Variants in RHEBL1 observed in about 807,000 individuals in gnomAD.
RHEBL1 encodes the protein RHEB like 1.
RHEBL1 carries 22 observed loss-of-function variants against 27.4 expected under a neutral mutation model. The observed-to-expected ratio is 0.80, with a 90% CI of 0.57 to 1.15. RHEBL1 has a LOEUF of 1.15. Among genes scored for constraint, RHEBL1 ranks in the 50% most tolerant of loss-of-function variants. RHEBL1 has a pLI of 0.00. For synonymous variants in RHEBL1, 85 were observed against 80.8 expected, an observed-to-expected ratio of 1.05 and a Z score of -0.28; for missense variants, 186 against 226.5, an observed-to-expected ratio of 0.82 and a Z score of 1.15.
In RHEBL1 at chr12:49,069,971, A is replaced by G. The variant is rs1052012723; in HGVS notation, c.-186T>C. ...GCTGCCCACGTGATCACAACACAGC[A>G]CGTCTAACGCCAGGGAGCCGGGCGC... On this transcript the variant is annotated 5_prime_UTR_variant, in exon 1 of 8. Coordinates refer to ENST00000301068, the MANE Select transcript of RHEBL1 (RefSeq NM_144593.3). The G allele has an allele frequency of 1.7e-5, 10 of 605,856 alleles. No homozygotes were observed. The highest frequency in any genetic ancestry group is 1.2e-4 in the Admixed American group (4 of 34,774). The allele number at this position is 605,856 out of a possible 1,614,324, so 37.5% of individuals were successfully genotyped here. A position where few individuals can be genotyped will look rare whatever the true frequency, so the allele number is the denominator to read the frequency against.
chr12:49,065,052 C>T lies in RHEBL1; in HGVS notation c.*51G>A. 7.3e-7 allele frequency: 1 copy of T among 1,365,272 alleles called. No homozygotes were observed. Among genetic ancestry groups the T allele is most frequent in the Non-Finnish European group, 1.0e-6 (1 of 953,576 alleles). 84.6% of individuals were successfully genotyped at this position (1,365,272 alleles called of 1,614,324 possible). On this transcript the variant is annotated 3_prime_UTR_variant, in exon 8 of 8. Coordinates refer to ENST00000301068, the MANE Select transcript of RHEBL1 (RefSeq NM_144593.3). ...CCTGAGGATCTGCCCCCCACTGGAA[C>T]ATGGCAAGTGCCGGGGGCAGAAGCA...
chr12:49,064,935 C>G lies in RHEBL1; in HGVS notation c.*168G>C. The G allele has an allele frequency of 1.6e-6, 1 of 610,938 alleles. No homozygotes were observed. Among genetic ancestry groups the G allele is most frequent in the Non-Finnish European group, 2.9e-6 (1 of 339,454 alleles). The allele number at this position is 610,938 out of a possible 1,614,324, so 37.8% of individuals were successfully genotyped here. A position where few individuals can be genotyped will look rare whatever the true frequency, so the allele number is the denominator to read the frequency against. On this transcript the variant is annotated 3_prime_UTR_variant, in exon 8 of 8. Coordinates refer to ENST00000301068, the MANE Select transcript of RHEBL1 (RefSeq NM_144593.3). ...CCCTTTGTAAACATTGACATCCAGG[C>G]CACTGGAGCCTGGGGAAAGTGTGCA... is the stretch of plus-strand genomic sequence containing the variant.
chr12:49,069,436 C>T (rs1288686518), intron 1 of RHEBL1, among the ~76,000 whole-genome samples: 2 of 151,676 alleles, frequency 1.3e-5, no homozygotes, highest in Admixed American at 6.6e-5. Flanking sequence ...CCACGGAGAC[C>T]GCGTCCCGGT....
At chr12:49,069,006 CCAGCA>C (rs1389803003) in intron 2 of RHEBL1, 24 bp downstream of exon 2, 1 of 1,600,642 alleles carries the variant, frequency 6.2e-7, no homozygotes, top group East Asian at 2.3e-5. Context: ...TCGCATACCA[CCAGCA>C]CACTAGGGGA....
chr12:49,067,048 G>GAA lies in RHEBL1; in HGVS notation c.125-15_125-14dup. 1 of 1,590,888 alleles carries GAA rather than the reference G, an allele frequency of 6.3e-7. No individual in the cohort carries two copies. The highest frequency in any genetic ancestry group is 8.6e-7 in the Non-Finnish European group (1 of 1,164,678). The stretch of plus-strand genomic sequence containing the variant: ...ATCTTGCTGTAAGCTGAAAAGAAAA[G>GAA]AAAACTTGACTGTGAAGTGCCTTAT... On this transcript the variant is annotated splice_polypyrimidine_tract_variant and intron_variant, in intron 2 of 7. Coordinates refer to ENST00000301068, the MANE Select transcript of RHEBL1 (RefSeq NM_144593.3).
intron 1 of RHEBL1, 74 bp downstream of exon 1, chr12:49,069,660 G>T: frequency 7.6e-7 from 1 of 1,320,240 alleles, no homozygotes; most frequent in Non-Finnish European, 1.1e-6. Context: ...TCCCTGGGTC[G>T]CGTTCCCACG....
At chr12:49,069,607 C>T in intron 1 of RHEBL1, 127 bp downstream of exon 1, 1 of 844,624 alleles carries the variant, frequency 1.2e-6, no homozygotes, top group Non-Finnish European at 2.0e-6. Flanking sequence ...TCCACTCTTC[C>T]AATCCTCGCT....
chr12:49,066,739 A>G, intron 3 of RHEBL1, 38 bp from the exon 4 acceptor site: 1 of 1,580,074 alleles, frequency 6.3e-7, no homozygotes, highest in Non-Finnish European at 8.7e-7. Context: ...CTAGATCCAA[A>G]CCACTAAGAT....
In RHEBL1 at chr12:49,067,149, C is replaced by T. The variant is rs923080505; in HGVS notation, c.125-114G>A. 82 of 686,730 alleles carry T rather than the reference C, an allele frequency of 1.2e-4. No individual in the cohort carries two copies. The African/African-American group carries it at 1.3e-3, about 11-fold the overall frequency. The allele number at this position is 686,730 out of a possible 1,614,324, so 42.5% of individuals were successfully genotyped here. On this transcript the variant is annotated intron_variant, in intron 2 of 7. Coordinates refer to ENST00000301068, the MANE Select transcript of RHEBL1 (RefSeq NM_144593.3). ...CAAGAGTCTCACTCTATTGTCCAGG[C>T]TGGGCTGCAGTGGCATGATCTCAGC... is the stretch of plus-strand genomic sequence containing the variant.
Position 49,066,462 on chromosome 12 carries a change from C to T in RHEBL1, c.332+14G>A. 2 of 1,613,416 alleles carry T rather than the reference C, an allele frequency of 1.2e-6. No individual in the cohort carries two copies. Among genetic ancestry groups the T allele is most frequent in the Non-Finnish European group, 1.7e-6 (2 of 1,179,328 alleles). ...CATGCCCACACTATGTCCCTATCCC[C>T]CAGGGCCACTTACCGGGTTTTCCCA... On this transcript the variant is annotated intron_variant, in intron 5 of 7. Coordinates refer to ENST00000301068, the MANE Select transcript of RHEBL1 (RefSeq NM_144593.3).
At chr12:49,065,801 T>C (rs1938987290) in intron 6 of RHEBL1, among the ~76,000 whole-genome samples, 2 of 152,050 alleles carry the variant, frequency 1.3e-5, no homozygotes, top group South Asian at 4.1e-4. Flanking sequence ...GGCACGCGCC[T>C]GTAGTCCCAG....
chr12:49,069,593 T>C lies in RHEBL1; in HGVS notation c.52+141A>G, dbSNP rs554578849. ...ACTCTTCCAATCCTCCACTCTTCCATTCCTCCACTCTTCCAATCCTCGCTC... is the reference window on the plus strand; with the variant it reads ...ACTCTTCCAATCCTCCACTCTTCCACTCCTCCACTCTTCCAATCCTCGCTC... On this transcript the variant is annotated intron_variant, in intron 1 of 7. Transcript: ENST00000301068. 5 of 663,542 alleles carry C rather than the reference T, an allele frequency of 7.5e-6. No individual in the cohort carries two copies. The East Asian group carries it at 1.5e-4, about 19-fold the overall frequency. The allele number at this position is 663,542 out of a possible 1,614,324, so 41.1% of individuals were successfully genotyped here.
At chr12:49,068,429 CTTTTTTTTTT>C (rs56316449) in intron 2 of RHEBL1, among the ~76,000 whole-genome samples, 1 of 99,656 alleles carries the variant, frequency 1.0e-5, no homozygotes, top group African/African-American at 4.5e-5. Flanking sequence ...CGGTGCCCAG[CTTTTTTTTTT>C]TTTTTTTTTT....
rs1171438622 is a variant in RHEBL1, at chr12:49,065,216, C to A, written c.463-24G>T. On this transcript the variant is annotated intron_variant, in intron 7 of 7. Coordinates refer to ENST00000301068, the MANE Select transcript of RHEBL1 (RefSeq NM_144593.3). ...AGCTATAAGAGGAGAGGATTCAGGG[C>A]AAAAGTCAGTTCAGTGCCAATACCA... The A allele has an allele frequency of 2.5e-6, 4 of 1,600,398 alleles. No individual in the cohort carries two copies. The African/African-American group carries it at 4.0e-5, about 16-fold the overall frequency.
intron 6 of RHEBL1, among the ~76,000 whole-genome samples, chr12:49,065,847 C>A (rs1359636345): frequency 6.6e-6 from 1 of 151,864 alleles, no homozygotes; most frequent in Non-Finnish European, 1.5e-5. Context: ...CTCGCTTGAA[C>A]CCGGGAGGCA....
rs1939004780 is a variant in RHEBL1, at chr12:49,066,805, T to G, written c.193-104A>C. On this transcript the variant is annotated intron_variant, in intron 3 of 7. Coordinates refer to ENST00000301068, the MANE Select transcript of RHEBL1 (RefSeq NM_144593.3). ...ACCCTCCCTGGGGCACGCCCTACTA[T>G]AGTCACTTCAACATGTATTTATGGA... 4.3e-6 allele frequency: 5 copies of G among 1,163,722 alleles called. No homozygotes were observed. In the South Asian group the frequency reaches 5.0e-5, roughly 12 times the overall value. 72.1% of individuals were successfully genotyped at this position (1,163,722 alleles called of 1,614,324 possible).
At chr12:49,067,958 TTCTTC>T (rs916128505) in intron 2 of RHEBL1, among the ~76,000 whole-genome samples, 3 of 152,118 alleles carry the variant, frequency 2.0e-5, no homozygotes, top group African/African-American at 4.8e-5. Context: ...ACCATTTGAA[TTCTTC>T]TCTTCTAGCT....
chr12:49,067,813 T>C (rs1939021950), intron 2 of RHEBL1, among the ~76,000 whole-genome samples: 1 of 152,154 alleles, frequency 6.6e-6, no homozygotes, highest in African/African-American at 2.4e-5. Flanking sequence ...TACTTTTGTT[T>C]TATTGATGAA....
At chr12:49,068,954 A>G in intron 2 of RHEBL1, 81 bp downstream of exon 2, 1 of 1,428,732 alleles carries the variant, frequency 7.0e-7, no homozygotes, top group Admixed American at 2.2e-5. Context: ...GGCACCAGAG[A>G]AATAAATTAT....
Sources: allele counts gnomAD v4.1 joint callset (sites outside exome capture counted in the v4.1 genomes callset), GRCh38; gene constraint gnomAD v4.1.1; transcripts MANE v1.5; gene names NCBI Gene and HGNC (gene_info 2026-07-23, HGNC 2026-07-21).